The following EFEMP1 variants were observed in gnomAD, a reference collection of about 807,000 sequenced individuals.
EFEMP1 encodes the protein EGF-containing fibulin-like extracellular matrix protein 1.
A neutral mutation model predicts 65.7 loss-of-function variants in EFEMP1; 18 were observed. That is an observed-to-expected ratio of 0.27 (90% CI 0.19 to 0.41). The LOEUF is 0.41. EFEMP1 is among the 10% of genes least tolerant of loss of function. The probability of loss-of-function intolerance (pLI) is 1.00; values close to 1 mark genes in which losing one functional copy is unlikely to be tolerated. For missense variants in EFEMP1, 469 were observed against 624.8 expected, an observed-to-expected ratio of 0.75 and a Z score of 2.66; for synonymous variants, 237 against 219.7, an observed-to-expected ratio of 1.08 and a Z score of -0.70.
At chr2:55,904,617 T>C (rs1002639685) in intron 5 of EFEMP1, among the ~76,000 whole-genome samples, 1 of 152,206 alleles carries the variant, frequency 6.6e-6, no homozygotes, top group East Asian at 1.9e-4. Context: ...AGAGGGGACA[T>C]CCATCTTCTC....
Position 55,922,628 on chromosome 2 carries a change from A to T in EFEMP1, c.-7-181T>A. On this transcript the variant is annotated intron_variant, in intron 2 of 11. Transcript: ENST00000355426. This position sits in a 1 kb window ranked among gnomAD's most constrained non-coding sequence, Gnocchi z 5.5. ...CCTGAACCTTCTCGGTAGCCAACGAACGAGGCAGCAAAGACGTAAAAACTG... is the reference window on the plus strand; with the variant it reads ...CCTGAACCTTCTCGGTAGCCAACGATCGAGGCAGCAAAGACGTAAAAACTG... The T allele has an allele frequency of 3.1e-6, 2 of 643,184 alleles. No individual in the cohort carries two copies. The highest frequency in any genetic ancestry group is 3.4e-5 in the South Asian group (2 of 59,578). 39.8% of individuals were successfully genotyped at this position (643,184 alleles called of 1,614,324 possible).
intron 5 of EFEMP1, among the ~76,000 whole-genome samples, chr2:55,901,200 T>C (rs1220577633): frequency 1.3e-5 from 2 of 152,156 alleles, no homozygotes; most frequent in Non-Finnish European, 2.9e-5. Flanking sequence ...AACACAAATA[T>C]TGGAATGTCT....
At chr2:55,874,093 A>G (rs1374682225) in intron 9 of EFEMP1, among the ~76,000 whole-genome samples, 1 of 152,052 alleles carries the variant, frequency 6.6e-6, no homozygotes, top group Non-Finnish European at 1.5e-5. Flanking sequence ...TGAGGCTCAG[A>G]GTAGTTTGAT....
intron 5 of EFEMP1, among the ~76,000 whole-genome samples, chr2:55,882,204 T>C (rs1301637392): frequency 6.6e-6 from 1 of 152,244 alleles, no homozygotes; most frequent in Admixed American, 6.5e-5. Context: ...GTATTTGAGA[T>C]AATTTCCATT....
intron 5 of EFEMP1, among the ~76,000 whole-genome samples, chr2:55,903,342 T>G (rs1307599847): frequency 6.6e-6 from 1 of 152,224 alleles, no homozygotes; most frequent in Non-Finnish European, 1.5e-5. Flanking sequence ...AGTAACCACA[T>G]GCAAATTTGA....
chr2:55,918,325 C>G, intron 3 of EFEMP1, 58 bp from the exon 4 acceptor site: 1 of 1,585,782 alleles, frequency 6.3e-7, no homozygotes. Flanking sequence ...TGTCCATTCC[C>G]TAAGAAATCA....
chr2:55,920,951 A>G (rs1359645708), intron 3 of EFEMP1, among the ~76,000 whole-genome samples: 2 of 152,252 alleles, frequency 1.3e-5, no homozygotes, highest in East Asian at 3.8e-4. Context: ...AAAATTTGTT[A>G]CAATAATAAT....
Position 55,867,259 on chromosome 2 carries a change from G to C in EFEMP1, c.1321-25C>G. On this transcript the variant is annotated intron_variant, in intron 11 of 11. Coordinates refer to ENST00000355426, the MANE Select transcript of EFEMP1 (RefSeq NM_001039348.3). The surrounding 1 kb of genome is among the most constrained non-coding windows in gnomAD (Gnocchi z 4.3). ...GCTAAAATAAAAGAAAATAGAGAAA[G>C]GAAGAGAATAATTTTCTTGGATTGG... The C allele has an allele frequency of 6.2e-7, 1 of 1,611,090 alleles. No homozygotes were observed. The highest frequency in any genetic ancestry group is 2.2e-5 in the East Asian group (1 of 44,730).
Position 55,870,468 on chromosome 2 carries a change from A to G in EFEMP1, c.1320+252T>C, listed in dbSNP as rs1025111338. ...ATATTTGAGTGATTTCAGGGATGCT[A>G]CTTAATCTTTCTGCATCTCACTTTT... On this transcript the variant is annotated intron_variant, in intron 11 of 11. Transcript: ENST00000355426. This position sits in a 1 kb window ranked among gnomAD's most constrained non-coding sequence, Gnocchi z 5.8. Among the ~76,000 whole-genome samples the G allele has an allele frequency of 1.3e-5, 2 of 152,134 alleles. No homozygotes were observed. The highest frequency in any genetic ancestry group is 4.8e-5 in the African/African-American group (2 of 41,446).
At chr2:55,894,201 TGA>T (rs1332648034) in intron 5 of EFEMP1, among the ~76,000 whole-genome samples, 2 of 152,148 alleles carry the variant, frequency 1.3e-5, no homozygotes, top group African/African-American at 4.8e-5. Flanking sequence ...CATGTAATTC[TGA>T]GAGAGAACTA....
rs1371186580 is a variant in EFEMP1, at chr2:55,917,055, GA to G, written c.517+609del. ...TGGGGGAGAATCCCTCCAAGGTAATGAGAAGCAGGAGCCCCATTTCTTTACT... is the reference window on the plus strand; with the variant it reads ...TGGGGGAGAATCCCTCCAAGGTAATGGAAGCAGGAGCCCCATTTCTTTACT... On this transcript the variant is annotated intron_variant, in intron 5 of 11. Transcript: ENST00000355426. This position sits in a 1 kb window ranked among gnomAD's most constrained non-coding sequence, Gnocchi z 6.3. Among the ~76,000 whole-genome samples the G allele has an allele frequency of 1.8e-4, 27 of 152,340 alleles. No homozygotes were observed. Among genetic ancestry groups the G allele is most frequent in the Admixed American group, 1.6e-3 (25 of 15,304 alleles).
rs373092902 is a variant in EFEMP1, at chr2:55,905,570, C to T, written c.517+12095G>A. Among the ~76,000 whole-genome samples, 9 of 152,222 alleles carry T rather than the reference C, an allele frequency of 5.9e-5. No homozygotes were observed. In the East Asian group the frequency reaches 9.7e-4, roughly 16 times the overall value. On this transcript the variant is annotated intron_variant, in intron 5 of 11. Transcript: ENST00000355426. ...TCAAGCGATTCTCCTGTCTCAGCCTCCTGAGTAGCTGGGGACTACAGCCGC... is the reference window on the plus strand; with the variant it reads ...TCAAGCGATTCTCCTGTCTCAGCCTTCTGAGTAGCTGGGGACTACAGCCGC...
chr2:55,906,577 T>A (rs1262945779), intron 5 of EFEMP1, among the ~76,000 whole-genome samples: 1 of 152,164 alleles, frequency 6.6e-6, no homozygotes, highest in Admixed American at 6.6e-5. Context: ...TCTGGCTCCC[T>A]CCCTGGATTA....
intron 5 of EFEMP1, among the ~76,000 whole-genome samples, chr2:55,900,401 C>G (rs1669986620): frequency 6.6e-6 from 1 of 151,902 alleles, no homozygotes; most frequent in Non-Finnish European, 1.5e-5. Flanking sequence ...GGCTGTGAGG[C>G]ACCCATTTAT....
intron 4 of EFEMP1, 31 bp downstream of exon 4, chr2:55,918,188 G>C: frequency 1.2e-6 from 2 of 1,613,980 alleles, no homozygotes; most frequent in Non-Finnish European, 1.7e-6. Flanking sequence ...AGAAGGCAAT[G>C]ATCACATGGA....
Position 55,867,348 on chromosome 2 carries a change from A to C in EFEMP1, c.1321-114T>G. The C allele has an allele frequency of 8.4e-7, 1 of 1,195,206 alleles. No homozygotes were observed. Among genetic ancestry groups the C allele is most frequent in the South Asian group, 1.4e-5 (1 of 70,536 alleles). The allele number at this position is 1,195,206 out of a possible 1,614,324, so 74.0% of individuals were successfully genotyped here. A position where few individuals can be genotyped will look rare whatever the true frequency, so the allele number is the denominator to read the frequency against. On this transcript the variant is annotated intron_variant, in intron 11 of 11. Coordinates refer to ENST00000355426, the MANE Select transcript of EFEMP1 (RefSeq NM_001039348.3). The surrounding 1 kb of genome is among the most constrained non-coding windows in gnomAD (Gnocchi z 4.3). ...AGGGGGAGAATTTTGAAGGTGGTAT[A>C]AAAGAGCCACTACTTGGTCCCTTCT...
intron 3 of EFEMP1, among the ~76,000 whole-genome samples, chr2:55,918,519 C>G (rs148604510): frequency 3.3e-5 from 5 of 152,046 alleles, no homozygotes; most frequent in Admixed American, 3.3e-4. Flanking sequence ...GTACAGTTGC[C>G]CAGTACCATC....
intron 11 of EFEMP1, among the ~76,000 whole-genome samples, chr2:55,868,614 A>G (rs560305550): frequency 6.6e-6 from 1 of 152,314 alleles, no homozygotes; most frequent in South Asian, 2.1e-4. Flanking sequence ...AGGCTGACTC[A>G]TGACTATCAA....
chr2:55,922,890 T>C lies in EFEMP1; in HGVS notation c.-8+9A>G. On this transcript the variant is annotated intron_variant, in intron 2 of 11. Transcript: ENST00000355426. This position sits in a 1 kb window ranked among gnomAD's most constrained non-coding sequence, Gnocchi z 5.5. ...CTCTAGAACGTTAAGGCTTTCCCAG[T>C]ATACTCACCTTGAGCTAGCAGAGTT... 1 of 1,119,288 alleles carries C rather than the reference T, an allele frequency of 8.9e-7. No individual in the cohort carries two copies. The highest frequency in any genetic ancestry group is 1.1e-6 in the Non-Finnish European group (1 of 907,566). 69.3% of individuals were successfully genotyped at this position (1,119,288 alleles called of 1,614,324 possible).
Sources: gnomAD v4.1 joint callset for allele counts (sites outside exome capture counted in the v4.1 genomes callset) on GRCh38, gnomAD v4.1.1 for gene constraint, Gnocchi (gnomAD v3.1) non-coding constraint, MANE v1.5 for transcripts, NCBI Gene and HGNC (gene_info 2026-07-23, HGNC 2026-07-21) for gene names.